SLC9C1: variants seen among roughly 807,000 people sequenced by gnomAD.
SLC9C1 encodes sodium/hydrogen exchanger 10.
A neutral mutation model predicts 140.9 loss-of-function variants in SLC9C1; 97 were observed. The observed-to-expected ratio is 0.69, with a 90% CI of 0.58 to 0.82. The LOEUF is 0.82. Ranked by LOEUF, SLC9C1 falls within the 40% of genes least tolerant of loss-of-function variation. SLC9C1 has a pLI of 0.00. For synonymous variants in SLC9C1, 440 were observed against 442.6 expected (o/e 0.99, Z 0.07); for missense variants, 1,340 against 1,389.3 (o/e 0.96, Z 0.56).
At chr3:112,259,225 T>G (rs1374020150) in intron 10 of SLC9C1, among the ~76,000 whole-genome samples, 1 of 152,116 alleles carries the variant, frequency 6.6e-6, no homozygotes, top group Middle Eastern at 3.4e-3. Context: ...TGTTCTTACT[T>G]ATAAGTGGGA....
intron 7 of SLC9C1, among the ~76,000 whole-genome samples, chr3:112,268,263 A>G (rs2079977530): frequency 6.6e-6 from 1 of 152,160 alleles, no homozygotes; most frequent in South Asian, 2.1e-4. Flanking sequence ...TTGATTCTGT[A>G]ACCCTCGGTA....
chr3:112,144,685 A>G (rs1227195963), intron 28 of SLC9C1, among the ~76,000 whole-genome samples: 2 of 151,908 alleles, frequency 1.3e-5, no homozygotes, highest in Non-Finnish European at 2.9e-5. Context: ...ATGTATTCCT[A>G]AGGTTTGTGT....
intron 14 of SLC9C1, 32 bp downstream of exon 14, chr3:112,221,096 G>T: frequency 2.6e-6 from 4 of 1,553,706 alleles, no homozygotes; most frequent in Non-Finnish European, 3.6e-6. Flanking sequence ...CTGTGGCTTA[G>T]AATAGAAGCC....
intron 12 of SLC9C1, among the ~76,000 whole-genome samples, chr3:112,234,310 C>T (rs1576408375): frequency 1.3e-5 from 2 of 152,272 alleles, no homozygotes; most frequent in East Asian, 3.9e-4. Context: ...ATATCATTTG[C>T]CCACTTTTTG....
At chr3:112,239,533 T>A (rs2079083972) in intron 12 of SLC9C1, among the ~76,000 whole-genome samples, 1 of 152,200 alleles carries the variant, frequency 6.6e-6, no homozygotes, top group African/African-American at 2.4e-5. Flanking sequence ...AAATCACCCG[T>A]CTTCTGCATC....
intron 3 of SLC9C1, 52 bp from the exon 4 acceptor site, chr3:112,278,909 A>G: frequency 1.9e-6 from 3 of 1,538,706 alleles, no homozygotes; most frequent in Non-Finnish European, 2.6e-6. Flanking sequence ...CTATTAGAAT[A>G]GAATACATGC....
intron 2 of SLC9C1, among the ~76,000 whole-genome samples, chr3:112,281,649 T>A (rs1292813864): frequency 6.6e-6 from 1 of 152,212 alleles, no homozygotes; most frequent in Non-Finnish European, 1.5e-5. Context: ...GTGTTTTTCT[T>A]ACAGAACATA....
chr3:112,141,248 C>T lies in SLC9C1; in HGVS notation c.*24G>A, dbSNP rs764694363. 1 of 1,575,270 alleles carries T rather than the reference C, an allele frequency of 6.3e-7. No homozygotes were observed. The highest frequency in any genetic ancestry group is 1.9e-5 in the Admixed American group (1 of 53,678). ...GCCTCTCATAGCCACAGCATTAATACATGCTTCGGTCTTCTTAACAGTCTT... is the reference window on the plus strand; with the variant it reads ...GCCTCTCATAGCCACAGCATTAATATATGCTTCGGTCTTCTTAACAGTCTT... On this transcript the variant is annotated 3_prime_UTR_variant, in exon 29 of 29. Coordinates refer to ENST00000305815, the MANE Select transcript of SLC9C1 (RefSeq NM_183061.3).
intron 10 of SLC9C1, among the ~76,000 whole-genome samples, chr3:112,246,656 AT>A (rs1241082076): frequency 6.6e-6 from 1 of 152,144 alleles, no homozygotes; most frequent in Non-Finnish European, 1.5e-5. Context: ...TTAAAATCTA[AT>A]TTTTTAGATG....
At chr3:112,262,461 G>T (rs2079800469) in intron 10 of SLC9C1, among the ~76,000 whole-genome samples, 1 of 151,144 alleles carries the variant, frequency 6.6e-6, no homozygotes, top group African/African-American at 2.4e-5. Flanking sequence ...TAATTATCTT[G>T]CCCAGACACA....
Position 112,262,905 on chromosome 3 carries a change from A to G in SLC9C1, c.1197+19T>C. The G allele has an allele frequency of 6.5e-7, 1 of 1,546,758 alleles. No individual in the cohort carries two copies. The highest frequency in any genetic ancestry group is 8.7e-7 in the Non-Finnish European group (1 of 1,154,734). Reference sequence around the variant, plus strand: ...TAGTTTTATACAATATTCAGATAAGAAAATACAGCTTTCTTTACTTGAGAT... The same window carrying G: ...TAGTTTTATACAATATTCAGATAAGGAAATACAGCTTTCTTTACTTGAGAT... On this transcript the variant is annotated intron_variant, in intron 10 of 28. Transcript: ENST00000305815.
chr3:112,166,074 G>A (rs1241010522), intron 26 of SLC9C1, among the ~76,000 whole-genome samples: 3 of 152,214 alleles, frequency 2.0e-5, no homozygotes, highest in Non-Finnish European at 2.9e-5. Flanking sequence ...CAAGCCAGGC[G>A]CTGGATATAA....
At chr3:112,185,783 G>A in intron 20 of SLC9C1, 13 of 1,551,790 alleles carry the variant, frequency 8.4e-6, no homozygotes, top group South Asian at 1.2e-5. Context: ...GCACGATGCG[G>A]CTGCGAGAGG....
intron 2 of SLC9C1, among the ~76,000 whole-genome samples, chr3:112,285,387 C>T (rs948378370): frequency 6.6e-6 from 1 of 152,110 alleles, no homozygotes; most frequent in South Asian, 2.1e-4. Flanking sequence ...CATAGGTGTG[C>T]ACCACCACTC....
chr3:112,154,647 A>G (rs917596547), intron 27 of SLC9C1, among the ~76,000 whole-genome samples: 2 of 152,186 alleles, frequency 1.3e-5, no homozygotes, highest in African/African-American at 4.8e-5. Context: ...GGTAGCACTG[A>G]AAGAATTAAG....
At chr3:112,290,964 A>G (rs1399561434) in intron 1 of SLC9C1, among the ~76,000 whole-genome samples, 1 of 152,056 alleles carries the variant, frequency 6.6e-6, no homozygotes, top group Non-Finnish European at 1.5e-5. Flanking sequence ...TGTCTTGAAG[A>G]CAGCATACCA....
At chr3:112,261,440 C>T (rs1354523850) in intron 10 of SLC9C1, among the ~76,000 whole-genome samples, 5 of 152,056 alleles carry the variant, frequency 3.3e-5, no homozygotes, top group African/African-American at 1.2e-4. Flanking sequence ...ATTACCAATA[C>T]TGTACAATTA....
chr3:112,186,092 T>G, intron 20 of SLC9C1: 1 of 880,296 alleles, frequency 1.1e-6, no homozygotes, highest in Non-Finnish European at 1.7e-6. Context: ...AAAATGAACT[T>G]TCTGTCTTGT....
chr3:112,161,773 T>C lies in SLC9C1; in HGVS notation c.3364+5448A>G, dbSNP rs1021208571. Among the ~76,000 whole-genome samples, 8 of 151,928 alleles carry C rather than the reference T, an allele frequency of 5.3e-5. No homozygotes were observed. The East Asian group carries it at 1.4e-3, about 26-fold the overall frequency. ...ATGCGGGCTCTTTTTTGGTTCCATA[T>C]GAACTTTAAAGTAGTTTTTCCAATT... On this transcript the variant is annotated intron_variant, in intron 26 of 28. Transcript: ENST00000305815.
Sources: gnomAD v4.1 joint callset for allele counts (sites outside exome capture counted in the v4.1 genomes callset) on GRCh38, gnomAD v4.1.1 for gene constraint, MANE v1.5 for transcripts, NCBI Gene and HGNC (gene_info 2026-07-23, HGNC 2026-07-21) for gene names.